ME3: variants seen among roughly 807,000 people sequenced by gnomAD.
ME3 encodes the protein malic enzyme 3.
In ME3, 48 loss-of-function variants were observed where a neutral mutation model predicts 68.9. The observed-to-expected ratio is 0.70, with a 90% CI of 0.55 to 0.89. ME3 has a LOEUF of 0.89. Ranked by LOEUF, ME3 falls within the 40% of genes least tolerant of loss-of-function variation. The pLI, the probability that ME3 is intolerant of heterozygous loss-of-function variation, is 0.00. For synonymous variants in ME3, 320 were observed against 318.8 expected, an observed-to-expected ratio of 1.00 and a Z score of -0.04; for missense variants, 675 against 797.4, an observed-to-expected ratio of 0.85 and a Z score of 1.85.
intron 7 of ME3, among the ~76,000 whole-genome samples, chr11:86,480,358 A>G (rs554807223): frequency 3.3e-5 from 5 of 152,320 alleles, no homozygotes; most frequent in African/African-American, 1.2e-4. Flanking sequence ...CCCTCACGGG[A>G]TAAGTATACC....
chr11:86,446,179 AG>A (rs1949274606), intron 13 of ME3, 134 bp downstream of exon 13: 1 of 990,230 alleles, frequency 1.0e-6, no homozygotes, highest in Non-Finnish European at 1.5e-6. Context: ...GAGATGCTTG[AG>A]GTTTAAGCAC....
intron 2 of ME3, among the ~76,000 whole-genome samples, chr11:86,644,154 T>C (rs480290): frequency 5.9e-5 from 9 of 152,130 alleles, no homozygotes; most frequent in Admixed American, 2.0e-4. Context: ...AAGAACACAG[T>C]GGGGCAGCCC....
rs147485121 is a variant in ME3 at position 86,502,947 on chromosome 11, G to A, written c.544-4823C>T. Reference sequence around the variant, plus strand: ...GGAGCTTCCTTGGACTTGTAGCTATGGTCATAGCTACAAGGGTTGCCCACA... The same window carrying A: ...GGAGCTTCCTTGGACTTGTAGCTATAGTCATAGCTACAAGGGTTGCCCACA... On this transcript the variant is annotated intron_variant, in intron 5 of 14. Coordinates refer to ENST00000543262, the Ensembl canonical transcript of ME3. Among the ~76,000 whole-genome samples the A allele has an allele frequency of 3.5e-3, 540 of 152,182 alleles. 1 individual carries two copies. Among genetic ancestry groups the A allele is most frequent in the Non-Finnish European group, 6.0e-3 (407 of 68,006 alleles).
Position 86,599,304 on chromosome 11 carries a change from G to A in ME3, c.184-39481C>T, listed in dbSNP as rs974655200. 6.6e-5 allele frequency among the ~76,000 whole-genome samples: 10 copies of A among 152,332 alleles called. No individual in the cohort carries two copies. In the South Asian group the frequency reaches 1.9e-3, roughly 28 times the overall value. The stretch of plus-strand genomic sequence containing the variant: ...AAGGCTCGAGAACTACGTGAAGAAG[G>A]CAGAAGCCTCTGGAGCCGATGCAAT... On this transcript the variant is annotated intron_variant, in intron 2 of 14. Coordinates refer to ENST00000543262, the Ensembl canonical transcript of ME3.
At chr11:86,449,013 C>T (rs1375443917) in intron 10 of ME3, among the ~76,000 whole-genome samples, 1 of 152,132 alleles carries the variant, frequency 6.6e-6, no homozygotes, top group Non-Finnish European at 1.5e-5. Context: ...TCTGGAAAGA[C>T]GTAGGGGTGG....
At chr11:86,648,287 G>C (rs1459612109) in intron 2 of ME3, among the ~76,000 whole-genome samples, 1 of 152,150 alleles carries the variant, frequency 6.6e-6, no homozygotes, top group Non-Finnish European at 1.5e-5. Context: ...ACAGAACAAA[G>C]AGACAATGTA....
At chr11:86,566,539 G>C (rs1186750439) in intron 2 of ME3, among the ~76,000 whole-genome samples, 1 of 152,140 alleles carries the variant, frequency 6.6e-6, no homozygotes, top group African/African-American at 2.4e-5. Context: ...CACCTTAGAG[G>C]TATTGCTATC....
chr11:86,634,376 G>T (rs901190828), intron 2 of ME3, among the ~76,000 whole-genome samples: 2 of 152,192 alleles, frequency 1.3e-5, no homozygotes, highest in Admixed American at 1.3e-4. Context: ...TCCTGGTTGT[G>T]AGTAGCATGT....
At position 86,534,066 on chromosome 11, in the gene ME3, GGTGT is replaced by G. The variant is rs747610946; in HGVS notation, c.467+22483_467+22486del. On this transcript the variant is annotated intron_variant, in intron 4 of 14. Transcript: ENST00000543262. ...CATTAAAAAAGTATGGTAAAAATGA[GGTGT>G]GTGTGTGTGTGTATATATATATATA... 7.0e-3 allele frequency among the ~76,000 whole-genome samples: 340 copies of G among 48,916 alleles called. 1 individual carries two copies. The highest frequency in any genetic ancestry group is 0.019 in the African/African-American group (313 of 16,864). 32.1% of individuals were successfully genotyped at this position (48,916 alleles called of 152,430 possible).
At chr11:86,553,095 A>T (rs1159274485) in intron 4 of ME3, among the ~76,000 whole-genome samples, 2 of 152,172 alleles carry the variant, frequency 1.3e-5, no homozygotes, top group African/African-American at 4.8e-5. Flanking sequence ...AGCCAGGCTC[A>T]TGGAGGCGCA....
intron 2 of ME3, 98 bp from the exon 3 acceptor site, chr11:86,559,921 G>T: frequency 7.4e-7 from 1 of 1,348,270 alleles, no homozygotes; most frequent in South Asian, 1.8e-5. Context: ...AAGTCAGTGT[G>T]ACTCAGTAGA....
chr11:86,614,466 T>G (rs536601088), intron 2 of ME3, among the ~76,000 whole-genome samples: 3 of 152,144 alleles, frequency 2.0e-5, no homozygotes, highest in Non-Finnish European at 4.4e-5. Flanking sequence ...GAACCCCTCT[T>G]TGCTCCATCT....
At chr11:86,552,922 C>T (rs1956765243) in intron 4 of ME3, among the ~76,000 whole-genome samples, 1 of 152,122 alleles carries the variant, frequency 6.6e-6, no homozygotes, top group Non-Finnish European at 1.5e-5. Flanking sequence ...GGGATGTGGC[C>T]TGGGAGAGGG....
intron 2 of ME3, among the ~76,000 whole-genome samples, chr11:86,586,209 A>G (rs1958724713): frequency 6.6e-6 from 1 of 152,188 alleles, no homozygotes; most frequent in South Asian, 2.1e-4. Flanking sequence ...CAAACAGTTT[A>G]TGGTGTTGTC....
intron 5 of ME3, among the ~76,000 whole-genome samples, chr11:86,507,380 A>G (rs1282394330): frequency 6.6e-6 from 1 of 152,220 alleles, no homozygotes; most frequent in Non-Finnish European, 1.5e-5. Context: ...GAGCTCTTCC[A>G]GAGTAGATGT....
intron 2 of ME3, among the ~76,000 whole-genome samples, chr11:86,601,901 C>G (rs1173270228): frequency 6.9e-6 from 1 of 145,158 alleles, no homozygotes; most frequent in Admixed American, 7.0e-5. Flanking sequence ...CAAAATTCAA[C>G]AACGCTTCAT....
chr11:86,653,693 A>T (rs1303063509), intron 2 of ME3, among the ~76,000 whole-genome samples: 1 of 152,238 alleles, frequency 6.6e-6, no homozygotes, highest in Non-Finnish European at 1.5e-5. Context: ...GAACTAGAGA[A>T]GCAAGAGCAA....
chr11:86,658,110 G>A (rs563964828), intron 2 of ME3, among the ~76,000 whole-genome samples: 1 of 139,858 alleles, frequency 7.2e-6, no homozygotes, highest in Non-Finnish European at 1.5e-5. Flanking sequence ...GAGAGATGTA[G>A]GCAAAGTTTA....
chr11:86,562,551 G>C (rs1487577483), intron 2 of ME3, among the ~76,000 whole-genome samples: 5 of 152,102 alleles, frequency 3.3e-5, no homozygotes, highest in African/African-American at 1.2e-4. Context: ...TCCAGCAACT[G>C]GTATTGTCAG....
Sources: allele counts gnomAD v4.1 joint callset (sites outside exome capture counted in the v4.1 genomes callset), GRCh38; gene constraint gnomAD v4.1.1; transcripts MANE v1.5; gene names NCBI Gene and HGNC (gene_info 2026-07-23, HGNC 2026-07-21).